The following MAMSTR variants were observed in gnomAD, a reference collection of about 807,000 sequenced individuals.
MAMSTR encodes MEF2-activating motif and SAP domain-containing transcriptional regulator.
In MAMSTR, 41 loss-of-function variants were observed where a neutral mutation model predicts 42.7. The observed-to-expected ratio is 0.96, with a 90% CI of 0.75 to 1.25. The LOEUF (loss-of-function observed/expected upper bound fraction) is 1.25, where lower values mean the gene tolerates loss of function less well. MAMSTR is among the 50% of genes most tolerant of loss of function. MAMSTR has a pLI of 0.00. For synonymous variants in MAMSTR, 265 were observed against 244.1 expected, an observed-to-expected ratio of 1.09 and a Z score of -0.80; for missense variants, 567 against 557.6, an observed-to-expected ratio of 1.02 and a Z score of -0.17.
At chr19:48,714,264 G>T in intron 7 of MAMSTR, 102 bp downstream of exon 7, 1 of 1,079,128 alleles carries the variant, frequency 9.3e-7, no homozygotes, top group Non-Finnish European at 1.2e-6. Flanking sequence ...TCCTACCGCT[G>T]GTCCTCGCCC....
chr19:48,716,860 T>A, intron 2 of MAMSTR, 117 bp from the exon 3 acceptor site: 1 of 1,239,848 alleles, frequency 8.1e-7, no homozygotes, highest in East Asian at 3.2e-5. Flanking sequence ...CCAGCCCCCT[T>A]ACACAGCCTG....
downstream of MAMSTR, among the ~76,000 whole-genome samples, chr19:48,707,888 AAAAG>A (rs1227957540): frequency 2.6e-4 from 21 of 80,464 alleles, no homozygotes; most frequent in South Asian, 3.4e-3. Flanking sequence ...AGAAAGAAAG[AAAAG>A]AAAGAAAGAA....
rs571090201 is a variant in MAMSTR at position 48,714,273 on chromosome 19, C to G, written c.723+93G>C. The stretch of plus-strand genomic sequence containing the variant: ...AAGGCTTCCTACCGCTGGTCCTCGC[C>G]CCCACACTTCATTGGCTAGTTTTTT... On this transcript the variant is annotated intron_variant, in intron 7 of 9. Coordinates refer to ENST00000318083, the MANE Select transcript of MAMSTR (RefSeq NM_001130915.2). 5.4e-4 allele frequency: 613 copies of G among 1,129,152 alleles called. 3 individuals are homozygous for G. The African/African-American group carries it at 8.1e-3, about 15-fold the overall frequency. The allele number at this position is 1,129,152 out of a possible 1,614,324, so 69.9% of individuals were successfully genotyped here. A position where few individuals can be genotyped will look rare whatever the true frequency, so the allele number is the denominator to read the frequency against.
At chr19:48,713,820 A>C in intron 8 of MAMSTR, 40 bp downstream of exon 8, 1 of 1,614,138 alleles carries the variant, frequency 6.2e-7, no homozygotes, top group Non-Finnish European at 8.5e-7. Flanking sequence ...CCTGGACCTG[A>C]CTGGAGAACC....
intron 3 of MAMSTR, chr19:48,716,066 G>C (rs2033012384): frequency 3.7e-6 from 3 of 818,462 alleles, no homozygotes; most frequent in Non-Finnish European, 3.3e-6. Flanking sequence ...GGTTCTTGGG[G>C]AGAGGGAGAG....
At chr19:48,714,307 C>A in intron 7 of MAMSTR, 59 bp downstream of exon 7, 1 of 1,312,738 alleles carries the variant, frequency 7.6e-7, no homozygotes, top group South Asian at 1.9e-5. Flanking sequence ...TTCGACACCC[C>A]GCCCCGGCCC....
chr19:48,715,512 T>G, intron 4 of MAMSTR, 66 bp from the exon 5 acceptor site: 1 of 1,462,912 alleles, frequency 6.8e-7, no homozygotes, highest in Non-Finnish European at 9.0e-7. Context: ...CAGGACTACA[T>G]GCAAAGTATG....
chr19:48,707,807 G>GGAAGGAAGGAAA (rs142184925), downstream of MAMSTR, among the ~76,000 whole-genome samples: 7 of 116,618 alleles, frequency 6.0e-5, no homozygotes, highest in Non-Finnish European at 1.0e-4. Flanking sequence ...AAGGAAGGAA[G>GGAAGGAAGGAAA]GAAAGAAAGA....
At chr19:48,718,638 C>T (rs191297001) in intron 2 of MAMSTR, among the ~76,000 whole-genome samples, 7 of 152,234 alleles carry the variant, frequency 4.6e-5, no homozygotes, top group African/African-American at 1.4e-4. Flanking sequence ...TCCCCTCACC[C>T]AAACTCCCAC....
chr19:48,712,124 C>A (rs1332991595), downstream of MAMSTR, among the ~76,000 whole-genome samples: 1 of 151,862 alleles, frequency 6.6e-6, no homozygotes, highest in East Asian at 1.9e-4. Flanking sequence ...AATTCTTGGC[C>A]TCAAGTGATC....
chr19:48,714,124 A>C, intron 7 of MAMSTR, 79 bp from the exon 8 acceptor site: 1 of 1,414,036 alleles, frequency 7.1e-7, no homozygotes, highest in East Asian at 2.5e-5. Context: ...GTGTGGCTCC[A>C]CCCCTTGATC....
At position 48,713,838 on chromosome 19, in the gene MAMSTR, G is replaced by T. The variant is rs377039948; in HGVS notation, c.909+22C>A. The T allele has an allele frequency of 1.4e-5, 22 of 1,614,054 alleles. No individual in the cohort carries two copies. In the African/African-American group the frequency reaches 2.8e-4, roughly 21 times the overall value. On this transcript the variant is annotated intron_variant, in intron 8 of 9. Coordinates refer to ENST00000318083, the MANE Select transcript of MAMSTR (RefSeq NM_001130915.2). ...GGACCTGACTGGAGAACCCTAGCCG[G>T]ATTCAACCCACACCCTCTTACCTGC...
At chr19:48,707,808 GAAAGAAAGAAAGAAAGACAAAGAAAGA>G (rs1481079770), downstream of MAMSTR, among the ~76,000 whole-genome samples, 3 of 40,498 alleles carry the variant, frequency 7.4e-5, no homozygotes, top group Non-Finnish European at 1.4e-4. Flanking sequence ...AGGAAGGAAG[GAAAGAAAGAAAGAAAGACAAAGAAAGA>G]AAGGAAAGAA....
At chr19:48,718,723 G>A (rs1355344583) in intron 2 of MAMSTR, among the ~76,000 whole-genome samples, 1 of 151,970 alleles carries the variant, frequency 6.6e-6, no homozygotes, top group East Asian at 1.9e-4. Flanking sequence ...TTTCTCTTCA[G>A]TGCTTGAGCC....
At chr19:48,715,922 G>C in intron 3 of MAMSTR, 155 bp from the exon 4 acceptor site, 1 of 1,426,048 alleles carries the variant, frequency 7.0e-7, no homozygotes, top group Non-Finnish European at 9.1e-7. Context: ...CTGGATCTGA[G>C]GGCGGAGGTG....
chr19:48,713,397 A>G lies in MAMSTR; in HGVS notation c.1118T>C (p.Leu373Pro), dbSNP rs572777549. 3.2e-5 allele frequency: 51 copies of G among 1,613,392 alleles called. No homozygotes were observed. In the Middle Eastern group the frequency reaches 6.6e-4, roughly 21 times the overall value. Residue 373 changes from leucine (L) to proline (P), a missense_variant, in exon 10 of 10, where the codon CTG becomes CCG. Coordinates refer to ENST00000318083, the MANE Select transcript of MAMSTR (RefSeq NM_001130915.2). ...SPSPRDPTDS[L>P]DWLEALSGGP... The stretch of plus-strand genomic sequence containing the variant: ...CCCGCTCAGGGCCTCCAGCCAGTCC[A>G]GGGAGTCCGTGGGGTCCCTGGGAGA...
At chr19:48,714,161 C>T (rs1457323449) in intron 7 of MAMSTR, 116 bp from the exon 8 acceptor site, 7 of 1,208,620 alleles carry the variant, frequency 5.8e-6, no homozygotes, top group African/African-American at 1.5e-5. Flanking sequence ...CTCATCAACC[C>T]CTTTGGCCTC....
Position 48,713,610 on chromosome 19 carries a change from C to A in MAMSTR, c.965-60G>T, listed in dbSNP as rs1601246405. On this transcript the variant is annotated intron_variant, in intron 9 of 9. Coordinates refer to ENST00000318083, the MANE Select transcript of MAMSTR (RefSeq NM_001130915.2). ...GTCAGGGGTCCGGGCGCCAGCCCCC[C>A]ATACCCCATTTCCAGGATCCAGCTC... The A allele has an allele frequency of 1.9e-6, 3 of 1,600,428 alleles. No individual in the cohort carries two copies. In the East Asian group the frequency reaches 6.7e-5, roughly 36 times the overall value.
chr19:48,709,849 T>TTTTTG (rs987896871), downstream of MAMSTR, among the ~76,000 whole-genome samples: 4 of 152,104 alleles, frequency 2.6e-5, no homozygotes, highest in South Asian at 6.2e-4. Context: ...CTTCTGGTCT[T>TTTTTG]TTTTGTTTTG....
Sources: gnomAD v4.1 joint callset for allele counts (sites outside exome capture counted in the v4.1 genomes callset) on GRCh38, gnomAD v4.1.1 for gene constraint, MANE v1.5 for transcripts, NCBI Gene and HGNC (gene_info 2026-07-23, HGNC 2026-07-21) for gene names.